Variants in PCDHA1 observed in about 807,000 individuals in gnomAD.
PCDHA1 encodes the protein protocadherin alpha 1.
A neutral mutation model predicts 61.3 loss-of-function variants in PCDHA1; 42 were observed. The ratio of observed to expected loss-of-function variants is 0.69; its 90% confidence interval spans 0.54 to 0.89. The LOEUF is 0.89. PCDHA1 is among the 40% of genes least tolerant of loss of function. The pLI is 0.00. For missense variants in PCDHA1, 1,256 were observed against 1,235.3 expected (o/e 1.02, Z -0.25); for synonymous variants, 610 against 553.8 (o/e 1.10, Z -1.43).
chr5:140,797,046 G>C, intron 1 of PCDHA1: 1 of 1,613,762 alleles, frequency 6.2e-7, no homozygotes, highest in Non-Finnish European at 8.5e-7. Flanking sequence ...CTACGCTGGT[G>C]GATGTCAACG....
intron 1 of PCDHA1, chr5:140,927,454 G>A: frequency 6.2e-7 from 1 of 1,614,182 alleles, no homozygotes; most frequent in Non-Finnish European, 8.5e-7. Flanking sequence ...GTTGGTGTTG[G>A]AGAAAGCACT....
In PCDHA1 at chr5:140,922,223, C is replaced by T. The variant is rs115262412; in HGVS notation, c.2395-56726C>T. 8.0e-3 allele frequency among the ~76,000 whole-genome samples: 1,216 copies of T among 152,128 alleles called. 6 individuals are homozygous for T. Among genetic ancestry groups the T allele is most frequent in the African/African-American group, 0.019 (784 of 41,508 alleles). ...ATGAAACTTTGTAAAACATTTGAAC[C>T]TCAACCATGATGTGTATGAAGATAA... On this transcript the variant is annotated intron_variant, in intron 1 of 3. Transcript: ENST00000504120.
intron 1 of PCDHA1, chr5:140,797,589 T>A: frequency 1.7e-6 from 1 of 575,172 alleles, no homozygotes; most frequent in Non-Finnish European, 3.0e-6. Flanking sequence ...AAGTCATAAG[T>A]AATAGACCAT....
intron 1 of PCDHA1, among the ~76,000 whole-genome samples, chr5:140,923,950 C>A (rs544576500): frequency 6.6e-6 from 1 of 152,148 alleles, no homozygotes; most frequent in Non-Finnish European, 1.5e-5. Context: ...TTTTTCCTCA[C>A]GCCCTAATCT....
intron 1 of PCDHA1, chr5:140,927,653 G>A: frequency 6.2e-7 from 1 of 1,614,190 alleles, no homozygotes; most frequent in Non-Finnish European, 8.5e-7. Context: ...GTGTTATTCC[G>A]AGTTCAAGCC....
chr5:141,000,421 A>ATTTTTTTTTTTTT (rs34755515), intron 3 of PCDHA1, among the ~76,000 whole-genome samples: 1 of 27,968 alleles, frequency 3.6e-5, no homozygotes, highest in African/African-American at 1.8e-4. Flanking sequence ...ATATATATAT[A>ATTTTTTTTTTTTT]TTTTTTTTTT....
chr5:140,843,884 A>G, intron 1 of PCDHA1: 1 of 710,520 alleles, frequency 1.4e-6, no homozygotes, highest in South Asian at 2.0e-5. Flanking sequence ...GGCATAATAC[A>G]GTATTAATCA....
chr5:140,833,532 G>C (rs2150209285), intron 1 of PCDHA1, among the ~76,000 whole-genome samples: 1 of 152,154 alleles, frequency 6.6e-6, no homozygotes, highest in Non-Finnish European at 1.5e-5. Context: ...ACACACAAGT[G>C]TTCGAAAGGA....
chr5:140,786,210 GA>G lies in PCDHA1; in HGVS notation c.-80del. On this transcript the variant is annotated 5_prime_UTR_variant, in exon 1 of 4. Transcript: ENST00000504120. ...TGAGAGAAGACAGAAACGGTAAAGA[GA>G]TAAATGATTGGAAATATTAGATAAA... The G allele has an allele frequency of 6.7e-7, 1 of 1,493,176 alleles. No individual in the cohort carries two copies. The highest frequency in any genetic ancestry group is 2.3e-5 in the Admixed American group (1 of 44,378). The allele number at this position is 1,493,176 out of a possible 1,614,324, so 92.5% of individuals were successfully genotyped here. A position where few individuals can be genotyped will look rare whatever the true frequency, so the allele number is the denominator to read the frequency against.
intron 1 of PCDHA1, chr5:140,875,470 G>T: frequency 6.2e-7 from 1 of 1,605,786 alleles, no homozygotes; most frequent in Non-Finnish European, 8.5e-7. Context: ...CTCATTTTCT[G>T]CAATGGTGAT....
Position 140,963,207 on chromosome 5 carries a change from C to A in PCDHA1, c.2395-15742C>A, listed in dbSNP as rs180756619. Among the ~76,000 whole-genome samples, 890 of 148,428 alleles carry A rather than the reference C, an allele frequency of 6.0e-3. 8 individuals are homozygous for A. Among genetic ancestry groups the A allele is most frequent in the African/African-American group, 0.021 (788 of 38,366 alleles). On this transcript the variant is annotated intron_variant, in intron 1 of 3. Transcript: ENST00000504120. Reference sequence around the variant, plus strand: ...TAGACTGTGAAAATGAAAAAAAAAACCTCGTGTTTAGAGTAGACACTGTTT... The same window carrying A: ...TAGACTGTGAAAATGAAAAAAAAAAACTCGTGTTTAGAGTAGACACTGTTT...
intron 1 of PCDHA1, chr5:140,878,062 T>C (rs1180266527): frequency 2.5e-6 from 1 of 403,164 alleles, no homozygotes; most frequent in East Asian, 4.6e-5. Context: ...ACACTTAATA[T>C]TTTTCTTTTT....
chr5:140,992,584 T>C (rs1327367703), intron 3 of PCDHA1, among the ~76,000 whole-genome samples: 1 of 152,194 alleles, frequency 6.6e-6, no homozygotes, highest in Non-Finnish European at 1.5e-5. Context: ...CTGCCTTGTA[T>C]GCATCTAGCG....
At chr5:140,942,139 A>C (rs1211983428) in intron 1 of PCDHA1, among the ~76,000 whole-genome samples, 1 of 152,248 alleles carries the variant, frequency 6.6e-6, no homozygotes, top group Non-Finnish European at 1.5e-5. Context: ...TTGTGGCTTT[A>C]CTTGACATAA....
intron 1 of PCDHA1, among the ~76,000 whole-genome samples, chr5:140,806,051 G>A (rs1554123525): frequency 2.6e-5 from 4 of 152,142 alleles, no homozygotes; most frequent in South Asian, 4.1e-4. Context: ...AATGGCCCAC[G>A]CGATTCCACC....
At chr5:140,997,465 A>G (rs1427334533) in intron 3 of PCDHA1, among the ~76,000 whole-genome samples, 1 of 152,182 alleles carries the variant, frequency 6.6e-6, no homozygotes, top group Non-Finnish European at 1.5e-5. Flanking sequence ...ACTGTAGGCA[A>G]TTTTTACACA....
chr5:140,947,347 G>A (rs1554218167), intron 1 of PCDHA1, among the ~76,000 whole-genome samples: 1 of 151,534 alleles, frequency 6.6e-6, no homozygotes, highest in Non-Finnish European at 1.5e-5. Context: ...CTTAATTCTG[G>A]ACTCTATTTC....
At chr5:140,848,492 T>C (rs1781549856) in intron 1 of PCDHA1, 2 of 1,575,612 alleles carry the variant, frequency 1.3e-6, no homozygotes, top group South Asian at 2.3e-5. Flanking sequence ...ACTGAGTATT[T>C]GAAATGTTAT....
At chr5:140,822,297 C>A (rs1767263193) in intron 1 of PCDHA1, 3 of 1,614,030 alleles carry the variant, frequency 1.9e-6, no homozygotes, top group Middle Eastern at 1.6e-4. Context: ...TAAATCCAAA[C>A]GAATATTTTG....
Sources: gnomAD v4.1 joint callset for allele counts (sites outside exome capture counted in the v4.1 genomes callset) on GRCh38, gnomAD v4.1.1 for gene constraint, MANE v1.5 for transcripts, NCBI Gene and HGNC (gene_info 2026-07-23, HGNC 2026-07-21) for gene names.